The following RBPJ variants were observed in gnomAD, a reference collection of about 807,000 sequenced individuals.
RBPJ encodes the protein recombination signal binding protein for immunoglobulin kappa J region.
In RBPJ, 9 loss-of-function variants were observed where a neutral mutation model predicts 67.8. The ratio of observed to expected loss-of-function variants is 0.13; its 90% CI spans 0.08 to 0.23. RBPJ has a LOEUF of 0.23. Ranked by LOEUF, RBPJ falls within the 10% of genes least tolerant of loss-of-function variation. The pLI is 1.00. For missense variants in RBPJ, 305 were observed against 595.6 expected (o/e 0.51, Z 5.08); for synonymous variants, 198 against 203.3 (o/e 0.97, Z 0.22).
In RBPJ at chr4:26,432,514, G is replaced by T. The variant is rs1221013093; in HGVS notation, c.*1507G>T. ...CAGTTGAGATTTGGTTGCATTCAGG[G>T]TTGTAGGTTGGCCTTGCTTGCTAAC... On this transcript the variant is annotated 3_prime_UTR_variant, in exon 11 of 11. Transcript: ENST00000355476. 6.6e-6 allele frequency: 1 copy of T among 152,120 alleles called. No homozygotes were observed. Among genetic ancestry groups the T allele is most frequent in the African/African-American group, 2.4e-5 (1 of 41,422 alleles). The allele number at this position is 152,120 out of a possible 1,614,324, so 9.4% of individuals were successfully genotyped here.
intron 3 of RBPJ, among the ~76,000 whole-genome samples, chr4:26,413,952 C>T (rs1445392908): frequency 6.6e-6 from 1 of 152,138 alleles, no homozygotes; most frequent in Non-Finnish European, 1.5e-5. Context: ...AACACTAGGC[C>T]TGCATGCCCA....
chr4:26,137,404 C>A, the RBPJ span, among the ~76,000 whole-genome samples: 1 of 152,184 alleles, frequency 6.6e-6, no homozygotes, highest in Non-Finnish European at 1.5e-5. Flanking sequence ...CCTTGAACTT[C>A]TTTCTTGGCT....
At chr4:26,342,850 G>C (rs958205722) in intron 1 of RBPJ, among the ~76,000 whole-genome samples, 1 of 152,144 alleles carries the variant, frequency 6.6e-6, no homozygotes, top group Non-Finnish European at 1.5e-5. Context: ...TAGGAAAATG[G>C]TTCTAGCATT....
At chr4:26,231,557 A>G (rs28616224) in intron 1 of RBPJ, among the ~76,000 whole-genome samples, 75,149 of 151,418 alleles carry the variant, frequency 0.5, 20,263 homozygotes, top group African/African-American at 0.73. Flanking sequence ...GATTATAGGC[A>G]CCCGCCACCA....
At chr4:26,244,091 C>A (rs148424077) in intron 1 of RBPJ, among the ~76,000 whole-genome samples, 4 of 149,024 alleles carry the variant, frequency 2.7e-5, no homozygotes, top group African/African-American at 1.0e-4. Context: ...CAGAGTGAGA[C>A]CCTGTCTCAA....
intron 1 of RBPJ, among the ~76,000 whole-genome samples, chr4:26,305,227 T>C (rs2109302666): frequency 6.6e-6 from 1 of 152,316 alleles, no homozygotes; most frequent in South Asian, 2.1e-4. Context: ...CACACAGTCT[T>C]GATTACTGTA....
At chr4:26,164,276 CTATT>C (rs1393617553) in intron 1 of RBPJ, among the ~76,000 whole-genome samples, 2 of 152,204 alleles carry the variant, frequency 1.3e-5, no homozygotes, top group African/African-American at 2.4e-5. Context: ...CATACATACA[CTATT>C]TATTCACTTA....
At chr4:26,417,903 T>C (rs1482152864) in intron 4 of RBPJ, among the ~76,000 whole-genome samples, 1 of 152,268 alleles carries the variant, frequency 6.6e-6, no homozygotes, top group African/African-American at 2.4e-5. Context: ...CTAGTATATC[T>C]AGCCCTTTAA....
chr4:26,293,044 T>C (rs889423490), intron 1 of RBPJ, among the ~76,000 whole-genome samples: 2 of 150,530 alleles, frequency 1.3e-5, no homozygotes, highest in Non-Finnish European at 1.5e-5. Flanking sequence ...CACTTGGATA[T>C]AGCTGGAGCA....
chr4:26,292,104 G>C (rs1210729949), intron 1 of RBPJ, among the ~76,000 whole-genome samples: 1 of 150,516 alleles, frequency 6.6e-6, no homozygotes, highest in Admixed American at 6.6e-5. Context: ...TGTCTTAGCA[G>C]ATTTCAAGTG....
In RBPJ at chr4:26,292,704, G is replaced by A. The variant is rs981919292; in HGVS notation, c.-166-69742G>A. Among the ~76,000 whole-genome samples, 5 of 150,514 alleles carry A rather than the reference G, an allele frequency of 3.3e-5. No homozygotes were observed. In the South Asian group the frequency reaches 6.3e-4, roughly 19 times the overall value. On this transcript the variant is annotated intron_variant, in intron 1 of 4. Coordinates refer to the RBPJ transcript ENST00000512351. ...CCCAAATTGCCGGGATTACAGGTGC[G>A]AGCCACTGAGCCTGGCCAAAATCCT...
At chr4:26,117,845 T>G in the RBPJ span, among the ~76,000 whole-genome samples, 3 of 152,126 alleles carry the variant, frequency 2.0e-5, no homozygotes, top group Non-Finnish European at 4.4e-5. Context: ...GAGACAGATG[T>G]GGACATAACT....
rs2109835269 is a variant in RBPJ, at chr4:26,428,846, A to G, written c.874A>G (p.Ile292Val). ...GTATTTGTGCCTTTCTCAAGAAAGAATAATTCAATTTCAGGTATGTTTTTA... is the reference window on the plus strand; with the variant it reads ...GTATTTGTGCCTTTCTCAAGAAAGAGTAATTCAATTTCAGGTATGTTTTTA... ...RMYLCLSQER[I>V]IQFQATPCPK... The change falls in exon 8 of 11, where the codon ATA (isoleucine) becomes GTA (valine). Residue 292 changes from isoleucine (I) to valine (V), a missense_variant. Transcript: ENST00000355476. 1 of 1,601,984 alleles carries G rather than the reference A, an allele frequency of 6.2e-7. No homozygotes were observed. The highest frequency in any genetic ancestry group is 2.2e-5 in the East Asian group (1 of 44,752).
At chr4:26,282,821 G>A (rs1475911731) in intron 1 of RBPJ, among the ~76,000 whole-genome samples, 2 of 149,610 alleles carry the variant, frequency 1.3e-5, no homozygotes, top group South Asian at 2.1e-4. Context: ...ACACCTGGCG[G>A]AGCTTCATGT....
At chr4:26,160,827 G>A (rs1449998115), upstream of RBPJ, among the ~76,000 whole-genome samples, 1 of 152,192 alleles carries the variant, frequency 6.6e-6, no homozygotes, top group African/African-American at 2.4e-5. Context: ...TTCTCAGAAT[G>A]AGGAAACAAA....
At chr4:26,301,900 C>T (rs979395259) in intron 1 of RBPJ, among the ~76,000 whole-genome samples, 2 of 152,048 alleles carry the variant, frequency 1.3e-5, no homozygotes, top group Admixed American at 6.6e-5. Flanking sequence ...TCAAGTGATT[C>T]TCCTGCTGCA....
Position 26,191,837 on chromosome 4 carries a change from C to A in RBPJ, c.-167+28223C>A, listed in dbSNP as rs115508655. Among the ~76,000 whole-genome samples, 1,448 of 152,188 alleles carry A rather than the reference C, an allele frequency of 9.5e-3. 31 individuals are homozygous for A. The highest frequency in any genetic ancestry group is 0.033 in the African/African-American group (1,384 of 41,516). On this transcript the variant is annotated intron_variant, in intron 1 of 4. Coordinates refer to the RBPJ transcript ENST00000512351. ...CATACTGCCTAGGCACAGTGAACCA[C>A]GCTTATCAGTTAAATATTTATGGAG...
intron 7 of RBPJ, among the ~76,000 whole-genome samples, chr4:26,425,484 G>A (rs1034785704): frequency 1.1e-4 from 16 of 151,898 alleles, no homozygotes; most frequent in Admixed American, 3.3e-4. Context: ...GCCAGGCATG[G>A]TGGTGCACAC....
At chr4:26,303,452 A>G (rs947096270) in intron 1 of RBPJ, among the ~76,000 whole-genome samples, 5 of 148,596 alleles carry the variant, frequency 3.4e-5, no homozygotes, top group Admixed American at 6.7e-5. Flanking sequence ...AAAAAAAAAA[A>G]AAAGAAAGAA....
Sources: gnomAD v4.1 joint callset for allele counts (sites outside exome capture counted in the v4.1 genomes callset) on GRCh38, gnomAD v4.1.1 for gene constraint, MANE v1.5 for transcripts, NCBI Gene and HGNC (gene_info 2026-07-23, HGNC 2026-07-21) for gene names.